Variants in BTBD7 observed in about 807,000 individuals in gnomAD.
The protein encoded by BTBD7 is BTB/POZ domain-containing protein 7.
Under a neutral mutation model 99.9 loss-of-function variants are expected in BTBD7, and 38 were observed. That is an observed-to-expected ratio of 0.38 (90% CI 0.29 to 0.50). The LOEUF is 0.50. Among genes scored for constraint, BTBD7 ranks in the 20% least tolerant of loss-of-function variants. The pLI is 0.93. For missense variants in BTBD7, 1,170 were observed against 1,394.6 expected, an observed-to-expected ratio of 0.84 and a Z score of 2.57; for synonymous variants, 520 against 511.4, an observed-to-expected ratio of 1.02 and a Z score of -0.23.
chr14:93,252,887 T>C (rs2052384854), intron 7 of BTBD7, among the ~76,000 whole-genome samples: 1 of 151,710 alleles, frequency 6.6e-6, no homozygotes, highest in South Asian at 2.1e-4. Context: ...AGTGGCACAA[T>C]CACGGCTCAC....
intron 1 of BTBD7, among the ~76,000 whole-genome samples, chr14:93,322,211 C>T (rs1278485245): frequency 6.6e-6 from 1 of 152,134 alleles, no homozygotes; most frequent in Admixed American, 6.5e-5. Flanking sequence ...TTTCTGGGCT[C>T]AAGCGATCCT....
At chr14:93,314,586 C>T (rs1389006091) in intron 1 of BTBD7, among the ~76,000 whole-genome samples, 1 of 152,108 alleles carries the variant, frequency 6.6e-6, no homozygotes, top group African/African-American at 2.4e-5. Context: ...AGGGTCACAT[C>T]CAATTTTTCA....
At chr14:93,309,393 C>T (rs17811748) in intron 1 of BTBD7, among the ~76,000 whole-genome samples, 21,448 of 140,518 alleles carry the variant, frequency 0.15, 1,996 homozygotes, top group Admixed American at 0.24. Flanking sequence ...AAGGGCAAAA[C>T]TCCTCTGTCT....
chr14:93,296,739 G>A (rs568301092), intron 1 of BTBD7, among the ~76,000 whole-genome samples: 1 of 152,162 alleles, frequency 6.6e-6, no homozygotes, highest in East Asian at 1.9e-4. Context: ...AATTTTGAAA[G>A]AAGTTATTAT....
Position 93,253,770 on chromosome 14 carries a change from A to G in BTBD7, c.1629T>C (p.Ser543=), listed in dbSNP as rs1402483303. 1.3e-6 allele frequency: 2 copies of G among 1,598,912 alleles called. No individual in the cohort carries two copies. Among genetic ancestry groups the G allele is most frequent in the Admixed American group, 3.3e-5 (2 of 59,748 alleles). The change falls in exon 7 of 11, where the codon AGT becomes AGC. Residue 543 remains serine (S), a synonymous_variant. Coordinates refer to ENST00000334746, the MANE Select transcript of BTBD7 (RefSeq NM_001002860.4). The stretch of plus-strand genomic sequence containing the variant: ...TAGGAAGCATATCTGATGGAGGAGT[A>G]CTAATCAAGCCTCTTTTCATCTAAA... The part of the protein sequence containing the change: ...LSDAMKRGLI[S]TPPSDMLPTT...
At chr14:93,332,752 C>A in intron 1 of BTBD7, 68 bp downstream of exon 1, 1 of 1,437,674 alleles carries the variant, frequency 7.0e-7, no homozygotes, top group South Asian at 1.4e-5. Context: ...CTTCCTCTCC[C>A]GGACGCCCCG....
At chr14:93,290,464 G>A (rs188601908) in intron 3 of BTBD7, among the ~76,000 whole-genome samples, 26 of 149,130 alleles carry the variant, frequency 1.7e-4, no homozygotes, top group South Asian at 1.1e-3. Flanking sequence ...TGCCTGCCCC[G>A]GCCTCCCAAA....
At chr14:93,243,228 C>T in intron 10 of BTBD7, 140 bp from the exon 11 acceptor site, 2 of 800,484 alleles carry the variant, frequency 2.5e-6, no homozygotes, top group Non-Finnish European at 3.9e-6. Context: ...GAGTCTCGCT[C>T]TGTCGCCCGG....
Position 93,241,121 on chromosome 14 carries a change from TTTAAG to T in BTBD7, c.*1147_*1151del, listed in dbSNP as rs2052221971. On this transcript the variant is annotated 3_prime_UTR_variant, in exon 11 of 11. Coordinates refer to ENST00000334746, the MANE Select transcript of BTBD7 (RefSeq NM_001002860.4). ...AACCAGAAATTCTGTCAGTGTGACCTTTAAGTTACTTCTCTATTTCCACTGCCTTT... is the reference window on the plus strand; with the variant it reads ...AACCAGAAATTCTGTCAGTGTGACCTTTACTTCTCTATTTCCACTGCCTTT... The T allele has an allele frequency of 1.3e-5, 2 of 151,856 alleles. No homozygotes were observed. The highest frequency in any genetic ancestry group is 4.8e-5 in the African/African-American group (2 of 41,272). 9.4% of individuals were successfully genotyped at this position (151,856 alleles called of 1,614,324 possible). A position where few individuals can be genotyped will look rare whatever the true frequency, so the allele number is the denominator to read the frequency against.
In BTBD7 at chr14:93,294,550, C is replaced by A; in HGVS notation, c.470G>T (p.Arg157Leu). The change falls in exon 3 of 11, where the codon CGT (arginine) becomes CTT (leucine). Residue 157 changes from arginine to leucine, a missense_variant. Physicochemically the swap from Arg to Leu is moderately radical, Grantham distance 102. This residue lies in a region of BTBD7 where 359 missense variants were observed against 497.9 expected (regional missense o/e 0.72). Transcript: ENST00000334746. ...TGGACACCTTGCTGCCAAAATGGCA[C>A]GATGAACAGGAAAACAAGTTTCTTG... is the stretch of plus-strand genomic sequence containing the variant. ...IFQETCFPVH[R>L]AILAARCPFF... 1 of 1,613,830 alleles carries A rather than the reference C, an allele frequency of 6.2e-7. No individual in the cohort carries two copies. Among genetic ancestry groups the A allele is most frequent in the Non-Finnish European group, 8.5e-7 (1 of 1,179,918 alleles).
intron 3 of BTBD7, among the ~76,000 whole-genome samples, chr14:93,283,739 ATGG>A (rs2052747382): frequency 6.6e-6 from 1 of 152,004 alleles, no homozygotes; most frequent in African/African-American, 2.4e-5. Context: ...TTTAGTAGAG[ATGG>A]GGTTTCACTA....
rs2052238957 is a variant in BTBD7 at position 93,242,268 on chromosome 14, T to G, written c.*5A>C. 6.2e-7 allele frequency: 1 copy of G among 1,610,164 alleles called. No homozygotes were observed. Among genetic ancestry groups the G allele is most frequent in the Non-Finnish European group, 8.5e-7 (1 of 1,176,846 alleles). Reference sequence around the variant, plus strand: ...TCTCAGGCACAGACGACTTGGAGGTTGCTCTCAGAGGGCAGACTTTTTGTA... The same window carrying G: ...TCTCAGGCACAGACGACTTGGAGGTGGCTCTCAGAGGGCAGACTTTTTGTA... On this transcript the variant is annotated 3_prime_UTR_variant, in exon 11 of 11. Transcript: ENST00000334746.
chr14:93,308,604 G>C (rs1177656039), intron 1 of BTBD7, among the ~76,000 whole-genome samples: 3 of 152,150 alleles, frequency 2.0e-5, no homozygotes, highest in Non-Finnish European at 2.9e-5. Context: ...AAGCAACTCA[G>C]GTGTCCACAG....
At chr14:93,285,973 C>T (rs1024181950) in intron 3 of BTBD7, among the ~76,000 whole-genome samples, 1 of 152,148 alleles carries the variant, frequency 6.6e-6, no homozygotes, top group African/African-American at 2.4e-5. Context: ...AGGAAGGCTG[C>T]AGGATGGGGA....
intron 3 of BTBD7, among the ~76,000 whole-genome samples, chr14:93,278,385 G>A (rs2052680023): frequency 6.6e-6 from 1 of 152,212 alleles, no homozygotes; most frequent in Non-Finnish European, 1.5e-5. Flanking sequence ...CTGCACTCCA[G>A]TCTGGGCAAC....
At chr14:93,310,793 C>T (rs2053128493) in intron 1 of BTBD7, among the ~76,000 whole-genome samples, 1 of 127,938 alleles carries the variant, frequency 7.8e-6, no homozygotes. Context: ...TTTTTTTTGC[C>T]AAGACTGCTT....
chr14:93,251,609 C>T lies in BTBD7; in HGVS notation c.1796G>A (p.Arg599His), dbSNP rs948971763. The T allele has an allele frequency of 7.4e-6, 12 of 1,613,044 alleles. No homozygotes were observed. The highest frequency in any genetic ancestry group is 1.7e-5 in the Admixed American group (1 of 59,986). Residue 599 changes from arginine (R) to histidine (H), a missense_variant, in exon 8 of 11, where the codon CGC becomes CAC. By Grantham distance (29) the Arg-to-His change is conservative. Coordinates refer to ENST00000334746, the MANE Select transcript of BTBD7 (RefSeq NM_001002860.4). ...ATTGGACATTCTAACCATTCGCAAGCGCACAAGATCCGTTTGTTCCACCAT... is the reference window on the plus strand; with the variant it reads ...ATTGGACATTCTAACCATTCGCAAGTGCACAAGATCCGTTTGTTCCACCAT... ...EMMVEQTDLV[R>H]LRMVRMSNVP...
intron 10 of BTBD7, among the ~76,000 whole-genome samples, chr14:93,245,184 A>G (rs1430835127): frequency 6.6e-6 from 1 of 152,066 alleles, no homozygotes; most frequent in South Asian, 2.1e-4. Context: ...AAAACTTTTT[A>G]AAGTATATTA....
At chr14:93,297,098 A>G (rs1274657270) in intron 1 of BTBD7, among the ~76,000 whole-genome samples, 1 of 152,222 alleles carries the variant, frequency 6.6e-6, no homozygotes. Flanking sequence ...TTGTTAAGAA[A>G]CCAGTAGGCA....
Sources: gnomAD v4.1 joint callset for allele counts (sites outside exome capture counted in the v4.1 genomes callset) on GRCh38, gnomAD v4.1.1 for gene constraint, gnomAD v4.1.1 regional missense constraint, MANE v1.5 for transcripts, NCBI Gene and HGNC (gene_info 2026-07-23, HGNC 2026-07-21) for gene names.